Variants in ZEB1 observed in about 807,000 individuals in gnomAD.
ZEB1 encodes zinc finger E-box binding homeobox 1, also known as zinc finger E-box-binding homeobox 1.
ZEB1 carries 21 observed loss-of-function variants against 84.9 expected under a neutral mutation model. The ratio of observed to expected loss-of-function variants is 0.25; its 90% CI spans 0.18 to 0.36. The LOEUF (loss-of-function observed/expected upper bound fraction) is 0.36, where lower values mean the gene tolerates loss of function less well. Ranked by LOEUF, ZEB1 falls within the 10% of genes least tolerant of loss-of-function variation. ZEB1 has a pLI of 1.00. For missense variants in ZEB1, 1,104 were observed against 1,330.2 expected, an observed-to-expected ratio of 0.83 and a Z score of 2.65; for synonymous variants, 420 against 471.1, an observed-to-expected ratio of 0.89 and a Z score of 1.41.
chr10:31,406,809 G>A lies in ZEB1; in HGVS notation c.59-54228G>A, dbSNP rs1590923021. 2.6e-5 allele frequency among the ~76,000 whole-genome samples: 4 copies of A among 152,096 alleles called. No homozygotes were observed. In the East Asian group the frequency reaches 5.8e-4, roughly 22 times the overall value. On this transcript the variant is annotated intron_variant, in intron 1 of 8. Transcript: ENST00000424869. The stretch of plus-strand genomic sequence containing the variant: ...GGTATTGCCTAGTTTTTCTTCTAGA[G>A]TTTTTTATGGTTTTAGGTCTTATGT...
intron 1 of ZEB1, among the ~76,000 whole-genome samples, chr10:31,442,273 C>G (rs2059105563): frequency 6.6e-6 from 1 of 151,972 alleles, no homozygotes; most frequent in African/African-American, 2.4e-5. Context: ...ATGGATGAAG[C>G]TGGAAACCAT....
chr10:31,517,541 T>C (rs1273722256), intron 6 of ZEB1, among the ~76,000 whole-genome samples: 3 of 151,716 alleles, frequency 2.0e-5, no homozygotes, highest in Non-Finnish European at 4.4e-5. Context: ...TACCGAACTT[T>C]GAGTAGTGAA....
intron 1 of ZEB1, among the ~76,000 whole-genome samples, chr10:31,423,603 A>G (rs953363083): frequency 6.6e-6 from 1 of 152,122 alleles, no homozygotes. Context: ...TGTTTAAGCA[A>G]TTAGTCAAAA....
At chr10:31,477,378 A>T (rs916148537) in intron 2 of ZEB1, among the ~76,000 whole-genome samples, 9 of 151,962 alleles carry the variant, frequency 5.9e-5, no homozygotes, top group African/African-American at 7.2e-5. Flanking sequence ...ACACAAATGG[A>T]AAAATATCTC....
At chr10:31,441,847 A>T (rs547388989) in intron 1 of ZEB1, among the ~76,000 whole-genome samples, 2 of 152,356 alleles carry the variant, frequency 1.3e-5, no homozygotes, top group East Asian at 1.9e-4. Context: ...GCAAATCAAA[A>T]CCACAATGAG....
chr10:31,414,983 A>C (rs1423600526), intron 1 of ZEB1, among the ~76,000 whole-genome samples: 1 of 152,216 alleles, frequency 6.6e-6, no homozygotes, highest in Non-Finnish European at 1.5e-5. Context: ...TCACTCACAG[A>C]AGGTTATTGA....
chr10:31,444,988 C>A (rs1336766366), intron 1 of ZEB1, among the ~76,000 whole-genome samples: 1 of 151,736 alleles, frequency 6.6e-6, no homozygotes, highest in Non-Finnish European at 1.5e-5. Context: ...GGCATTGAAT[C>A]TGTAAATTAC....
At chr10:31,462,782 AT>A (rs1369677463) in intron 2 of ZEB1, among the ~76,000 whole-genome samples, 1 of 152,162 alleles carries the variant, frequency 6.6e-6, no homozygotes, top group Non-Finnish European at 1.5e-5. Flanking sequence ...CTGGTGTAAT[AT>A]GGAAAAAGAA....
rs149023407 is a variant in ZEB1 at position 31,477,957 on chromosome 10, G to T, written c.259+16720G>T. On this transcript the variant is annotated intron_variant, in intron 2 of 8. Coordinates refer to ENST00000424869, the MANE Select transcript of ZEB1 (RefSeq NM_001174096.2). ...TATTCTGGACATTGGCTTAGGCAAA[G>T]AATTTATGACTAAGACCCCAAAAGA... 9.6e-3 allele frequency among the ~76,000 whole-genome samples: 1,456 copies of T among 152,052 alleles called. 13 individuals are homozygous for T. The highest frequency in any genetic ancestry group is 0.031 in the African/African-American group (1,301 of 41,500).
chr10:31,319,304 A>AGGGGACCGGGGAGCGGC lies in ZEB1; in HGVS notation c.58+15_58+31dup. The AGGGGACCGGGGAGCGGC allele has an allele frequency of 6.3e-7, 1 of 1,598,716 alleles. No homozygotes were observed. The highest frequency in any genetic ancestry group is 8.5e-7 in the Non-Finnish European group (1 of 1,174,312). ...GCGGCGCAATAACGGTGAGTGGCGG[A>AGGGGACCGGGGAGCGGC]GGGGACCGGGGAGCGGCGGAGTCAG... On this transcript the variant is annotated intron_variant, in intron 1 of 8. Transcript: ENST00000424869.
chr10:31,444,135 GT>G (rs1230909992), intron 1 of ZEB1, among the ~76,000 whole-genome samples: 9 of 150,806 alleles, frequency 6.0e-5, no homozygotes, highest in Non-Finnish European at 1.2e-4. Flanking sequence ...TCTCATAGTG[GT>G]TTTGATTTGC....
At chr10:31,464,345 T>A (rs1176277620) in intron 2 of ZEB1, among the ~76,000 whole-genome samples, 2 of 151,734 alleles carry the variant, frequency 1.3e-5, no homozygotes. Context: ...AGAGTAAGAC[T>A]CTATCTCAGA....
chr10:31,366,077 C>T (rs1417929096), intron 1 of ZEB1, among the ~76,000 whole-genome samples: 1 of 152,112 alleles, frequency 6.6e-6, no homozygotes, highest in Non-Finnish European at 1.5e-5. Context: ...TTTGCACTTT[C>T]CCGCTTTCAA....
intron 2 of ZEB1, among the ~76,000 whole-genome samples, chr10:31,461,558 C>G (rs767958597): frequency 6.6e-6 from 1 of 151,930 alleles, no homozygotes; most frequent in Non-Finnish European, 1.5e-5. Flanking sequence ...TACTTAGAAA[C>G]CAATAAATAT....
At chr10:31,364,971 G>T (rs1036293957) in intron 1 of ZEB1, among the ~76,000 whole-genome samples, 5 of 152,196 alleles carry the variant, frequency 3.3e-5, no homozygotes, top group African/African-American at 9.7e-5. Flanking sequence ...CGTAGGGCAG[G>T]AACTACCAGT....
intron 2 of ZEB1, among the ~76,000 whole-genome samples, chr10:31,479,796 AG>A (rs2064796135): frequency 6.6e-6 from 1 of 151,978 alleles, no homozygotes; most frequent in Admixed American, 6.6e-5. Context: ...ATATGGAAAA[AG>A]GAGTATTTTA....
At chr10:31,319,092 T>A, upstream of ZEB1, 2 of 602,202 alleles carry the variant, frequency 3.3e-6, no homozygotes, top group Admixed American at 4.4e-5. Flanking sequence ...CCTCTAGGTG[T>A]AAGGAAGGTG....
rs536796900 is a variant in ZEB1, at chr10:31,478,906, A to G, written c.260-16870A>G. Among the ~76,000 whole-genome samples, 145 of 149,264 alleles carry G rather than the reference A, an allele frequency of 9.7e-4. 1 individual carries two copies. The highest frequency in any genetic ancestry group is 1.8e-3 in the Non-Finnish European group (121 of 67,820). On this transcript the variant is annotated intron_variant, in intron 2 of 8. Coordinates refer to ENST00000424869, the MANE Select transcript of ZEB1 (RefSeq NM_001174096.2). ...CGGATTTTTATAATTCGAATTTACA[A>G]TTTTACAATTGGGTACAGCTTGTTC...
At chr10:31,321,203 G>T in intron 1 of ZEB1, 2 of 1,108,028 alleles carry the variant, frequency 1.8e-6, no homozygotes, top group Non-Finnish European at 1.1e-6. Context: ...TAGATTTTGT[G>T]TGGGATTTCC....
Sources: gnomAD v4.1 joint callset for allele counts (sites outside exome capture counted in the v4.1 genomes callset) on GRCh38, gnomAD v4.1.1 for gene constraint, MANE v1.5 for transcripts, NCBI Gene and HGNC (gene_info 2026-07-23, HGNC 2026-07-21) for gene names.